Variants in BLTP1 observed in about 807,000 individuals in gnomAD.
The protein encoded by BLTP1 is bridge-like lipid transfer protein family member 1.
At chr4:122,356,923 C>T in the BLTP1 span, 1 of 985,004 alleles carries the variant, frequency 1.0e-6, no homozygotes, top group Non-Finnish European at 1.2e-6. Context: ...TGAGTACTTG[C>T]TATATATACA....
At chr4:122,260,112 T>G in the BLTP1 span, 1 of 168,526 alleles carries the variant, frequency 5.9e-6, no homozygotes, top group Non-Finnish European at 1.2e-5. Context: ...ACTACACACC[T>G]AGACTATATG....
the BLTP1 span, chr4:122,169,511 A>C: frequency 4.5e-6 from 2 of 445,926 alleles, no homozygotes; most frequent in Non-Finnish European, 5.9e-6. Flanking sequence ...TTATTATGAG[A>C]TAGTTTTGTT....
chr4:122,334,694 G>A, the BLTP1 span: 1 of 716,084 alleles, frequency 1.4e-6, no homozygotes, highest in East Asian at 2.8e-5. Flanking sequence ...ATATATGGAA[G>A]TGTGGGCCAA....
chr4:122,262,642 G>T, the BLTP1 span: 1 of 1,168,610 alleles, frequency 8.6e-7, no homozygotes, highest in Non-Finnish European at 1.2e-6. Context: ...TACATGATCA[G>T]TTTTGGTATT....
chr4:122,203,831 A>G, the BLTP1 span: 1 of 537,162 alleles, frequency 1.9e-6, no homozygotes. Flanking sequence ...AATAGCTGCA[A>G]CATTTCACAT....
At chr4:122,254,108 AG>A in the BLTP1 span, 18 of 1,223,562 alleles carry the variant, frequency 1.5e-5, no homozygotes, top group Non-Finnish European at 2.0e-5. Context: ...TTTGATGAAA[AG>A]GTTTTGCACT....
chr4:122,340,854 A>G, the BLTP1 span: 1 of 927,132 alleles, frequency 1.1e-6, no homozygotes, highest in Non-Finnish European at 1.3e-6. Context: ...CTAAAGGTGA[A>G]ATGAAAATGA....
chr4:122,283,760 T>C, the BLTP1 span, among the ~76,000 whole-genome samples: 1 of 152,168 alleles, frequency 6.6e-6, no homozygotes, highest in Non-Finnish European at 1.5e-5. Context: ...TCCGCCTGCC[T>C]TGGTCTCCCA....
the BLTP1 span, among the ~76,000 whole-genome samples, chr4:122,235,809 AAG>A: frequency 3.3e-5 from 5 of 151,738 alleles, no homozygotes; most frequent in African/African-American, 1.2e-4. Context: ...CGTCTCAAAA[AAG>A]AAAAAAAAAA....
chr4:122,187,597 AAATT>A, the BLTP1 span: 2 of 1,369,200 alleles, frequency 1.5e-6, no homozygotes, highest in African/African-American at 1.5e-5. Context: ...TAATGTAAGA[AAATT>A]AAATAGTTTT....
chr4:122,285,098 C>T, the BLTP1 span, among the ~76,000 whole-genome samples: 2 of 152,158 alleles, frequency 1.3e-5, no homozygotes, highest in Admixed American at 1.3e-4. Flanking sequence ...AAGTTACACA[C>T]ATTTGGTCAC....
chr4:122,289,697 A>T, the BLTP1 span: 6 of 954,462 alleles, frequency 6.3e-6, no homozygotes, highest in South Asian at 1.9e-4. Flanking sequence ...AGTTGACTGT[A>T]TAACAGTTCT....
chr4:122,259,541 CT>C, the BLTP1 span, among the ~76,000 whole-genome samples: 1 of 152,098 alleles, frequency 6.6e-6, no homozygotes, highest in Admixed American at 6.6e-5. Context: ...TGCTAGTTTA[CT>C]TTTGTGAGCA....
the BLTP1 span, chr4:122,350,047 A>C: frequency 6.2e-7 from 1 of 1,613,808 alleles, no homozygotes; most frequent in South Asian, 1.1e-5. Flanking sequence ...AATGACTAGC[A>C]ACCTAGAAAA....
At chr4:122,198,026 A>G in the BLTP1 span, 97 of 985,040 alleles carry the variant, frequency 9.8e-5, no homozygotes, top group Middle Eastern at 2.1e-3. Flanking sequence ...GTTGCTAAGT[A>G]TAATTCATTT....
the BLTP1 span, among the ~76,000 whole-genome samples, chr4:122,263,772 C>T: frequency 6.6e-6 from 1 of 152,124 alleles, no homozygotes; most frequent in Non-Finnish European, 1.5e-5. Context: ...AGTAAGCAGT[C>T]ACTCAGTGTT....
chr4:122,185,772 A>T, the BLTP1 span, among the ~76,000 whole-genome samples: 2 of 152,080 alleles, frequency 1.3e-5, no homozygotes, highest in African/African-American at 4.8e-5. Flanking sequence ...CTTAGCATAA[A>T]AATCTTTAAA....
At chr4:122,180,500 A>G in the BLTP1 span, among the ~76,000 whole-genome samples, 1 of 152,202 alleles carries the variant, frequency 6.6e-6, no homozygotes, top group Non-Finnish European at 1.5e-5. Flanking sequence ...ATTTTATTTA[A>G]TCCTCACAAC....
chr4:122,240,108 A>G, the BLTP1 span: 3 of 1,614,036 alleles, frequency 1.9e-6, no homozygotes, highest in African/African-American at 1.3e-5. Context: ...AGATGATGTT[A>G]TAGAACATCT....
Sources: allele counts gnomAD v4.1 joint callset (sites outside exome capture counted in the v4.1 genomes callset), GRCh38; gene constraint gnomAD v4.1.1; transcripts MANE v1.5; gene names NCBI Gene and HGNC (gene_info 2026-07-23, HGNC 2026-07-21).